TJP2: variants seen among roughly 807,000 people sequenced by gnomAD.
The protein encoded by TJP2 is tight junction protein 2, also known as Friedreich ataxia region gene X104 (tight junction protein ZO-2).
TJP2 carries 91 observed loss-of-function variants against 133.1 expected under a neutral mutation model. That is an observed-to-expected ratio of 0.68 (90% CI 0.58 to 0.81). The LOEUF (loss-of-function observed/expected upper bound fraction) is 0.81, where lower values mean the gene tolerates loss of function less well. Ranked by LOEUF, TJP2 falls within the 40% of genes least tolerant of loss-of-function variation. The probability of loss-of-function intolerance (pLI) is 0.00; values close to 1 mark genes in which losing one functional copy is unlikely to be tolerated. For missense variants in TJP2, 1,541 were observed against 1,565.6 expected (o/e 0.98, Z 0.26); for synonymous variants, 592 against 583.4 (o/e 1.01, Z -0.21).
chr9:69,248,337 A>C, intron 19 of TJP2, 113 bp downstream of exon 19: 1 of 1,463,328 alleles, frequency 6.8e-7, no homozygotes, highest in South Asian at 1.5e-5. Flanking sequence ...GGGTTGGAGC[A>C]GATGACTTCC....
intron 1 of TJP2, among the ~76,000 whole-genome samples, chr9:69,195,073 A>G (rs1826455655): frequency 6.6e-6 from 1 of 152,142 alleles, no homozygotes; most frequent in Non-Finnish European, 1.5e-5. Flanking sequence ...TATGGGGCCA[A>G]CCTTGATGGT....
At chr9:69,218,971 T>TA (rs557320798) in intron 4 of TJP2, among the ~76,000 whole-genome samples, 787 of 54,520 alleles carry the variant, frequency 0.014, 7 homozygotes, top group African/African-American at 0.051. Flanking sequence ...TGTGTGTGTA[T>TA]TTTTTTTTTT....
At chr9:69,210,810 C>A (rs542915670) in intron 1 of TJP2, among the ~76,000 whole-genome samples, 1 of 143,896 alleles carries the variant, frequency 6.9e-6, no homozygotes, top group Non-Finnish European at 1.5e-5. Context: ...TCAGGTTGGT[C>A]GTAAACTCCT....
chr9:69,194,760 G>A (rs1826431451), intron 1 of TJP2, among the ~76,000 whole-genome samples: 1 of 152,172 alleles, frequency 6.6e-6, no homozygotes, highest in Non-Finnish European at 1.5e-5. Flanking sequence ...TCACATAGGG[G>A]CTCTAGTTAG....
chr9:69,246,578 G>A (rs538407134), intron 17 of TJP2, 112 bp from the exon 18 acceptor site: 30 of 891,434 alleles, frequency 3.4e-5, no homozygotes, highest in African/African-American at 9.9e-5. Context: ...ATCTTCTTGC[G>A]TCTGCCATAG....
rs1006630454 is a variant in TJP2, at chr9:69,249,516, G to A, written c.2991+31G>A. The A allele has an allele frequency of 3.2e-6, 5 of 1,576,860 alleles. No individual in the cohort carries two copies. In the South Asian group the frequency reaches 5.8e-5, roughly 18 times the overall value. ...TGGCTGGGAAGCCCAGGATGGGAAG[G>A]AAGAGGAAGCAGATGCCTCTGAAGC... On this transcript the variant is annotated intron_variant, in intron 20 of 22. Coordinates refer to ENST00000377245, the MANE Select transcript of TJP2 (RefSeq NM_004817.4).
chr9:69,197,297 G>T (rs1215422943), intron 1 of TJP2, among the ~76,000 whole-genome samples: 2 of 152,244 alleles, frequency 1.3e-5, no homozygotes, highest in East Asian at 3.9e-4. Context: ...GTTGTAGCAT[G>T]TGTAGATACT....
At chr9:69,212,677 C>G in intron 2 of TJP2, 76 bp downstream of exon 2, 1 of 1,324,042 alleles carries the variant, frequency 7.6e-7, no homozygotes, top group South Asian at 1.2e-5. Flanking sequence ...TTATTTTCAC[C>G]TACACACAGT....
intron 2 of TJP2, among the ~76,000 whole-genome samples, chr9:69,156,681 G>C (rs1040614852): frequency 6.6e-6 from 1 of 151,756 alleles, no homozygotes; most frequent in African/African-American, 2.4e-5. Flanking sequence ...ACAGGCGCCC[G>C]CCACTGCGCC....
chr9:69,158,085 C>T (rs1292713593), intron 2 of TJP2, among the ~76,000 whole-genome samples: 2 of 151,544 alleles, frequency 1.3e-5, no homozygotes, highest in African/African-American at 2.4e-5. Flanking sequence ...GAGGCTGAGG[C>T]GGTGGATCAC....
chr9:69,131,688 A>G (rs955448639), intron 1 of TJP2, among the ~76,000 whole-genome samples: 2 of 152,212 alleles, frequency 1.3e-5, no homozygotes, highest in Admixed American at 1.3e-4. Flanking sequence ...GGAACTGAGT[A>G]GCAGCTCCTT....
rs371589636 is a variant in TJP2 at position 69,212,481 on chromosome 9, A to G, written c.61-67A>G. On this transcript the variant is annotated intron_variant, in intron 1 of 22. Coordinates refer to ENST00000377245, the MANE Select transcript of TJP2 (RefSeq NM_004817.4). The stretch of plus-strand genomic sequence containing the variant: ...ACTTTATGTCGAGGCATTTTGAATG[A>G]TAATTTTATTTCTAGCATTGAAAAG... 14 of 1,217,696 alleles carry G rather than the reference A, an allele frequency of 1.1e-5. No individual in the cohort carries two copies. The African/African-American group carries it at 1.6e-4, about 14-fold the overall frequency. 75.4% of individuals were successfully genotyped at this position (1,217,696 alleles called of 1,614,324 possible). A position where few individuals can be genotyped will look rare whatever the true frequency, so the allele number is the denominator to read the frequency against.
chr9:69,151,641 T>C, intron 1 of TJP2: 1 of 1,232,130 alleles, frequency 8.1e-7, no homozygotes, highest in Non-Finnish European at 1.0e-6. Context: ...AACAACACTG[T>C]CTTTTCCAGG....
At chr9:69,212,744 A>G (rs1416737981) in intron 2 of TJP2, 143 bp downstream of exon 2, 2 of 677,812 alleles carry the variant, frequency 3.0e-6, no homozygotes, top group Non-Finnish European at 5.3e-6. Context: ...AACTGGCAAT[A>G]ATTGCTATGT....
At chr9:69,195,666 A>C (rs1374236075) in intron 1 of TJP2, among the ~76,000 whole-genome samples, 2 of 152,208 alleles carry the variant, frequency 1.3e-5, no homozygotes, top group Non-Finnish European at 2.9e-5. Flanking sequence ...CCAATCAGTG[A>C]TGATGTGTTT....
At chr9:69,133,641 T>TC (rs1376013000) in intron 1 of TJP2, among the ~76,000 whole-genome samples, 1 of 143,954 alleles carries the variant, frequency 6.9e-6, no homozygotes, top group Non-Finnish European at 1.5e-5. Context: ...AGCCTCTGCC[T>TC]CCCGAGTTCA....
rs893232642 is a variant in TJP2, at chr9:69,146,015, T to C, written c.-130-5636T>C. On this transcript the variant is annotated intron_variant, in intron 1 of 5. Coordinates refer to the TJP2 transcript ENST00000423935. ...ATAGGAATGAAATTGTTGGATAATA[T>C]TCTAATACCCAAGAAGATGAATAAT... Among the ~76,000 whole-genome samples, 5 of 152,266 alleles carry C rather than the reference T, an allele frequency of 3.3e-5. No individual in the cohort carries two copies. The South Asian group carries it at 6.2e-4, about 19-fold the overall frequency.
intron 9 of TJP2, among the ~76,000 whole-genome samples, chr9:69,228,801 T>G (rs936179431): frequency 1.3e-5 from 2 of 152,146 alleles, no homozygotes; most frequent in Admixed American, 1.3e-4. Flanking sequence ...GAGGTCATTG[T>G]TTTCTCCCAT....
chr9:69,165,215 C>T (rs1824286174), intron 2 of TJP2, among the ~76,000 whole-genome samples: 1 of 152,194 alleles, frequency 6.6e-6, no homozygotes, highest in Admixed American at 6.5e-5. Flanking sequence ...GCAGCCTCAA[C>T]CTCTTGGACT....
Sources: allele counts gnomAD v4.1 joint callset (sites outside exome capture counted in the v4.1 genomes callset), GRCh38; gene constraint gnomAD v4.1.1; transcripts MANE v1.5; gene names NCBI Gene and HGNC (gene_info 2026-07-23, HGNC 2026-07-21).